The following HELQ variants were observed in gnomAD, a reference collection of about 807,000 sequenced individuals.
HELQ encodes the protein helicase POLQ-like.
A neutral mutation model predicts 111.6 loss-of-function variants in HELQ; 77 were observed. The observed-to-expected ratio is 0.69, with a 90% confidence interval of 0.57 to 0.83. The LOEUF (loss-of-function observed/expected upper bound fraction) is 0.83, where lower values mean the gene tolerates loss of function less well. Ranked by LOEUF, HELQ falls within the 40% of genes least tolerant of loss-of-function variation. HELQ has a pLI of 0.00. For synonymous variants in HELQ, 438 were observed against 454.7 expected (o/e 0.96, Z 0.47); for missense variants, 1,200 against 1,288.5 (o/e 0.93, Z 1.05).
At chr4:83,429,355 G>A (rs1720020586) in intron 12 of HELQ, among the ~76,000 whole-genome samples, 169 bp downstream of exon 12, 1 of 152,040 alleles carries the variant, frequency 6.6e-6, no homozygotes, top group African/African-American at 2.4e-5. Context: ...TACTATATTG[G>A]CCAGGCTGGT....
intron 8 of HELQ, 58 bp from the exon 9 acceptor site, chr4:83,437,155 A>G: frequency 1.3e-6 from 2 of 1,528,404 alleles, no homozygotes; most frequent in Non-Finnish European, 1.8e-6. Context: ...CAAAATTTCT[A>G]CCATTTTCAT....
chr4:83,453,612 T>C lies in HELQ; in HGVS notation c.631A>G (p.Asn211Asp), dbSNP rs745422245. 7 of 1,612,892 alleles carry C rather than the reference T, an allele frequency of 4.3e-6. No individual in the cohort carries two copies. Among genetic ancestry groups the C allele is most frequent in the Middle Eastern group, 1.6e-4 (1 of 6,084 alleles). The change falls in exon 2 of 18, where the codon AAT (asparagine) becomes GAT (aspartate). Residue 211 changes from asparagine (N) to aspartate (D), a missense_variant. Physicochemically the swap from Asn to Asp is conservative, Grantham distance 23. Around this residue, in one of 3 missense-constraint regions of HELQ, gnomAD observed 610 missense variants for 607.1 expected, o/e 1.00. Transcript: ENST00000295488. ...TTCATAGAATGATCACCCAAATCAT[T>C]TGAAGAGTTCTGCAAATTTTCAAAG... is the stretch of plus-strand genomic sequence containing the variant. ...IYFENLQNSS[N>D]DLGDHSMKER...
intron 15 of HELQ, among the ~76,000 whole-genome samples, 196 bp from the exon 16 acceptor site, chr4:83,418,402 G>A (rs1337734681): frequency 6.6e-6 from 1 of 152,114 alleles, no homozygotes; most frequent in Non-Finnish European, 1.5e-5. Flanking sequence ...TGAGGAACTG[G>A]TTTTAGGATG....
At chr4:83,434,235 G>C (rs1200981724) in intron 9 of HELQ, among the ~76,000 whole-genome samples, 2 of 151,404 alleles carry the variant, frequency 1.3e-5, no homozygotes, top group African/African-American at 4.9e-5. Flanking sequence ...GCCAGGTGTG[G>C]TGGTGGGCGC....
chr4:83,429,131 A>G (rs1218101717), intron 12 of HELQ, among the ~76,000 whole-genome samples: 1 of 152,004 alleles, frequency 6.6e-6, no homozygotes, highest in Admixed American at 6.6e-5. Flanking sequence ...AATACAACTT[A>G]AAGAAAGTAT....
intron 17 of HELQ, among the ~76,000 whole-genome samples, chr4:83,409,526 C>T (rs933247061): frequency 1.3e-5 from 2 of 151,682 alleles, no homozygotes; most frequent in African/African-American, 4.8e-5. Context: ...TGCACTCCAG[C>T]CTGGGCAAGA....
intron 5 of HELQ, among the ~76,000 whole-genome samples, chr4:83,445,549 G>A (rs1270362189): frequency 6.6e-6 from 1 of 151,980 alleles, no homozygotes; most frequent in Non-Finnish European, 1.5e-5. Context: ...TCCTTAAACT[G>A]ACCTATTTAA....
At chr4:83,437,434 A>T (rs945927481) in intron 8 of HELQ, among the ~76,000 whole-genome samples, 1 of 152,040 alleles carries the variant, frequency 6.6e-6, no homozygotes, top group Non-Finnish European at 1.5e-5. Flanking sequence ...GCAGTGAAGC[A>T]AGACCACCTC....
chr4:83,437,235 T>G, intron 8 of HELQ, 138 bp from the exon 9 acceptor site: 1 of 824,956 alleles, frequency 1.2e-6, no homozygotes, highest in Non-Finnish European at 1.9e-6. Context: ...TAAATGTTCT[T>G]AGAATTTTGA....
Position 83,436,855 on chromosome 4 carries a change from T to A in HELQ, c.2048+3A>T. The A allele has an allele frequency of 6.2e-7, 1 of 1,611,228 alleles. No individual in the cohort carries two copies. Among genetic ancestry groups the A allele is most frequent in the Non-Finnish European group, 8.5e-7 (1 of 1,178,642 alleles). On this transcript the variant is annotated splice_donor_region_variant and intron_variant, in intron 9 of 17. Coordinates refer to ENST00000295488, the MANE Select transcript of HELQ (RefSeq NM_133636.5). ...GCCTGGTCAACACTTACTTATCTCT[T>A]ACCTTCGAGCTGGTAGGTTGACACC...
Position 83,448,776 on chromosome 4 carries a change from C to T in HELQ, c.1191+7G>A. ...ACATTTGTTTTAAAACATACACACA[C>T]ACACACCTTTTCTTGGACAATTGCC... On this transcript the variant is annotated splice_region_variant and intron_variant, in intron 3 of 17. Transcript: ENST00000295488. 4.3e-6 allele frequency: 7 copies of T among 1,609,302 alleles called. No individual in the cohort carries two copies. Among genetic ancestry groups the T allele is most frequent in the Non-Finnish European group, 5.9e-6 (7 of 1,176,662 alleles).
At chr4:83,448,103 G>C (rs1176394764) in intron 3 of HELQ, among the ~76,000 whole-genome samples, 1 of 151,880 alleles carries the variant, frequency 6.6e-6, no homozygotes, top group Non-Finnish European at 1.5e-5. Flanking sequence ...CTAGCTACTT[G>C]GGAAGCTGAG....
chr4:83,435,032 T>C (rs1720376414), intron 9 of HELQ, among the ~76,000 whole-genome samples: 1 of 152,212 alleles, frequency 6.6e-6, no homozygotes, highest in African/African-American at 2.4e-5. Context: ...CTGTTGGGAT[T>C]GTAAAATCAA....
intron 8 of HELQ, among the ~76,000 whole-genome samples, chr4:83,437,663 T>C (rs577723396): frequency 4.0e-5 from 6 of 149,754 alleles, no homozygotes; most frequent in Admixed American, 2.0e-4. Context: ...ACACTTTACA[T>C]ATAATTTCAG....
At chr4:83,426,237 G>A (rs1719841241) in intron 13 of HELQ, 145 bp from the exon 14 acceptor site, 1 of 582,330 alleles carries the variant, frequency 1.7e-6, no homozygotes, top group South Asian at 2.2e-5. Context: ...AGGTTTTAAA[G>A]TTACATCATT....
chr4:83,437,127 C>A, intron 8 of HELQ, 30 bp from the exon 9 acceptor site: 3 of 1,597,004 alleles, frequency 1.9e-6, no homozygotes, highest in Non-Finnish European at 2.6e-6. Context: ...GAAATATGAG[C>A]CCTTGATCTT....
At chr4:83,423,804 G>A (rs905370229) in intron 14 of HELQ, among the ~76,000 whole-genome samples, 5 of 152,056 alleles carry the variant, frequency 3.3e-5, no homozygotes, top group Admixed American at 2.0e-4. Flanking sequence ...CCAGCTACTT[G>A]GGAGGCTAAG....
chr4:83,424,319 A>C (rs1361523742), intron 14 of HELQ, among the ~76,000 whole-genome samples: 1 of 152,194 alleles, frequency 6.6e-6, no homozygotes, highest in Non-Finnish European at 1.5e-5. Flanking sequence ...GTTTGTTTTA[A>C]GAAATATTTT....
At position 83,421,544 on chromosome 4, in the gene HELQ, A is replaced by C. The variant is rs2109973872; in HGVS notation, c.2949+19T>G. 6.3e-7 allele frequency: 1 copy of C among 1,593,566 alleles called. No homozygotes were observed. Among genetic ancestry groups the C allele is most frequent in the Middle Eastern group, 1.7e-4 (1 of 5,998 alleles). Reference sequence around the variant, plus strand: ...CCAGAAGATGCACAAAGTACATATCATATATTCAATGAAATTACCTCACAG... The same window carrying C: ...CCAGAAGATGCACAAAGTACATATCCTATATTCAATGAAATTACCTCACAG... On this transcript the variant is annotated intron_variant, in intron 15 of 17. Coordinates refer to ENST00000295488, the MANE Select transcript of HELQ (RefSeq NM_133636.5).
Sources: allele counts gnomAD v4.1 joint callset (sites outside exome capture counted in the v4.1 genomes callset), GRCh38; gene constraint gnomAD v4.1.1; regional missense constraint gnomAD v4.1.1; transcripts MANE v1.5; gene names NCBI Gene and HGNC (gene_info 2026-07-23, HGNC 2026-07-21).